TRPS1: variants seen among roughly 807,000 people sequenced by gnomAD.
The protein encoded by TRPS1 is zinc finger transcription factor Trps1.
Under a neutral mutation model 101.2 loss-of-function variants are expected in TRPS1, and 6 were observed. The observed-to-expected ratio is 0.06, with a 90% CI of 0.03 to 0.12. The LOEUF (loss-of-function observed/expected upper bound fraction) is 0.12, where lower values mean the gene tolerates loss of function less well. Among genes scored for constraint, TRPS1 ranks in the 10% least tolerant of loss-of-function variants. The probability of loss-of-function intolerance (pLI) is 1.00; values close to 1 mark genes in which losing one functional copy is unlikely to be tolerated. For missense variants in TRPS1, 1,363 were observed against 1,567.0 expected (o/e 0.87, Z 2.20); for synonymous variants, 578 against 589.8 (o/e 0.98, Z 0.29).
intron 5 of TRPS1, among the ~76,000 whole-genome samples, chr8:115,563,090 T>C (rs984455961): frequency 1.3e-5 from 2 of 151,786 alleles, no homozygotes; most frequent in Non-Finnish European, 2.9e-5. Context: ...ACTTGTCTTC[T>C]GTACTGACAC....
intron 6 of TRPS1, among the ~76,000 whole-genome samples, chr8:115,415,354 G>A (rs1416228979): frequency 1.3e-5 from 2 of 152,120 alleles, no homozygotes; most frequent in African/African-American, 4.8e-5. Flanking sequence ...AGATGCAACA[G>A]ATTTTGAGAT....
chr8:115,583,216 T>G (rs998702054), intron 5 of TRPS1, among the ~76,000 whole-genome samples: 2 of 152,124 alleles, frequency 1.3e-5, no homozygotes, highest in Admixed American at 6.5e-5. Flanking sequence ...TTAATACAGT[T>G]GCATCTGCAT....
intron 5 of TRPS1, among the ~76,000 whole-genome samples, chr8:115,563,380 CCT>C (rs1816993462): frequency 6.6e-6 from 1 of 151,944 alleles, no homozygotes; most frequent in Non-Finnish European, 1.5e-5. Flanking sequence ...AAGGCTAACC[CCT>C]TACAAAATAC....
intron 1 of TRPS1, among the ~76,000 whole-genome samples, chr8:115,630,018 T>G (rs1818603810): frequency 1.3e-5 from 2 of 151,732 alleles, no homozygotes. Flanking sequence ...CCCCAAAGAT[T>G]AAAACAAAAG....
intron 5 of TRPS1, among the ~76,000 whole-genome samples, chr8:115,565,344 A>C (rs1817042060): frequency 6.6e-6 from 1 of 152,084 alleles, no homozygotes; most frequent in Non-Finnish European, 1.5e-5. Flanking sequence ...TGTGTATCCC[A>C]TTGGTAAAGT....
intron 5 of TRPS1, among the ~76,000 whole-genome samples, chr8:115,423,555 T>A (rs1586259423): frequency 6.6e-6 from 1 of 152,238 alleles, no homozygotes; most frequent in Non-Finnish European, 1.5e-5. Flanking sequence ...AAATCCAGTG[T>A]AATTTTTTCC....
intron 5 of TRPS1, among the ~76,000 whole-genome samples, chr8:115,424,056 A>G (rs1254450113): frequency 2.0e-5 from 3 of 152,190 alleles, no homozygotes; most frequent in African/African-American, 7.2e-5. Context: ...TGGTGAAGGA[A>G]TTTGTGAAGA....
At chr8:115,541,468 TAA>T (rs1245303271) in intron 5 of TRPS1, among the ~76,000 whole-genome samples, 1 of 152,200 alleles carries the variant, frequency 6.6e-6, no homozygotes, top group African/African-American at 2.4e-5. Flanking sequence ...CTTTCACCTT[TAA>T]AAAGTAACCT....
intron 5 of TRPS1, among the ~76,000 whole-genome samples, chr8:115,494,409 C>G (rs1207192333): frequency 6.6e-6 from 1 of 152,104 alleles, no homozygotes. Context: ...TTGCATGGCT[C>G]TTAAAGCGTT....
At chr8:115,508,890 C>T (rs1306642983) in intron 5 of TRPS1, among the ~76,000 whole-genome samples, 1 of 151,900 alleles carries the variant, frequency 6.6e-6, no homozygotes, top group Non-Finnish European at 1.5e-5. Flanking sequence ...GACTTTGGGG[C>T]ATCTTTCTGC....
chr8:115,460,876 A>G (rs1814150554), intron 5 of TRPS1, among the ~76,000 whole-genome samples: 1 of 152,206 alleles, frequency 6.6e-6, no homozygotes. Flanking sequence ...ATAAGAAACA[A>G]TGCCTCATAT....
At chr8:115,610,556 T>A (rs559729894) in intron 3 of TRPS1, among the ~76,000 whole-genome samples, 6 of 152,234 alleles carry the variant, frequency 3.9e-5, no homozygotes, top group African/African-American at 1.4e-4. Context: ...CTGTAACAAC[T>A]CCCTTATTTG....
chr8:115,661,517 ATAGG>A (rs1293648167), intron 1 of TRPS1: 1 of 152,058 alleles, frequency 6.6e-6, no homozygotes, highest in Non-Finnish European at 1.5e-5. Flanking sequence ...CTCTCATATT[ATAGG>A]TATCCTATGA....
At chr8:115,645,991 T>G (rs990440745) in intron 1 of TRPS1, among the ~76,000 whole-genome samples, 1 of 152,148 alleles carries the variant, frequency 6.6e-6, no homozygotes, top group Non-Finnish European at 1.5e-5. Context: ...GCTCAGTTTG[T>G]TCCTGTCCGT....
rs1357281456 is a variant in TRPS1, at chr8:115,409,294, A to G, written c.*4729T>C. ...AAAAAAAAAAAAACAGGGGAAAACC[A>G]GAATTGAGTTTTGGGACTCTATGCT... On this transcript the variant is annotated 3_prime_UTR_variant, in exon 7 of 7. Transcript: ENST00000395715. The G allele has an allele frequency of 8.2e-6, 1 of 121,872 alleles. No individual in the cohort carries two copies. Among genetic ancestry groups the G allele is most frequent in the Non-Finnish European group, 1.8e-5 (1 of 56,762 alleles). 7.5% of individuals were successfully genotyped at this position (121,872 alleles called of 1,614,324 possible). A position where few individuals can be genotyped will look rare whatever the true frequency, so the allele number is the denominator to read the frequency against.
chr8:115,647,642 T>C (rs1166619975), intron 1 of TRPS1, among the ~76,000 whole-genome samples: 2 of 152,172 alleles, frequency 1.3e-5, no homozygotes, highest in Non-Finnish European at 2.9e-5. Flanking sequence ...CTTCAAAATA[T>C]CAGAAACACT....
chr8:115,446,778 A>G (rs575480214), intron 5 of TRPS1, among the ~76,000 whole-genome samples: 14 of 152,264 alleles, frequency 9.2e-5, no homozygotes, highest in African/African-American at 3.1e-4. Flanking sequence ...TGACTTATAC[A>G]TTGGGCATTA....
intron 5 of TRPS1, among the ~76,000 whole-genome samples, chr8:115,470,705 A>G (rs1455053715): frequency 6.6e-6 from 1 of 152,358 alleles, no homozygotes; most frequent in African/African-American, 2.4e-5. Flanking sequence ...AAAGGTAAAC[A>G]AATGTAACCA....
intron 1 of TRPS1, among the ~76,000 whole-genome samples, chr8:115,667,403 G>T (rs1174472563): frequency 6.6e-6 from 1 of 152,178 alleles, no homozygotes; most frequent in African/African-American, 2.4e-5. Flanking sequence ...GAGGGACAGC[G>T]ATGTTTGCCT....
Sources: allele counts gnomAD v4.1 joint callset (sites outside exome capture counted in the v4.1 genomes callset), GRCh38; gene constraint gnomAD v4.1.1; transcripts MANE v1.5; gene names NCBI Gene and HGNC (gene_info 2026-07-23, HGNC 2026-07-21).